Variants in MAPT observed in about 807,000 individuals in gnomAD.
The protein encoded by MAPT is microtubule-associated protein tau.
Under a neutral mutation model 67.9 loss-of-function variants are expected in MAPT, and 34 were observed. The ratio of observed to expected loss-of-function variants is 0.50; its 90% confidence interval spans 0.38 to 0.67. The LOEUF is 0.67. Ranked by LOEUF, MAPT falls within the 30% of genes least tolerant of loss-of-function variation. The probability of loss-of-function intolerance (pLI) is 0.00; values close to 1 mark genes in which losing one functional copy is unlikely to be tolerated. For synonymous variants in MAPT, 456 were observed against 464.5 expected (o/e 0.98, Z 0.23); for missense variants, 881 against 1,115.2 (o/e 0.79, Z 2.99).
chr17:45,937,253 A>T (rs2067422558), intron 1 of MAPT, among the ~76,000 whole-genome samples: 2 of 151,948 alleles, frequency 1.3e-5, no homozygotes, highest in Non-Finnish European at 2.9e-5. Context: ...CTCCATCCCC[A>T]CTTTCTCTAG....
chr17:45,944,460 G>A (rs7221267), intron 1 of MAPT, among the ~76,000 whole-genome samples: 1,961 of 152,304 alleles, frequency 0.013, 44 homozygotes, highest in African/African-American at 0.045. Context: ...GGGGCGAGTG[G>A]CCTCTCTGTG....
rs1326620149 is a variant in MAPT at position 46,025,095 on chromosome 17, C to T, written c.*924C>T. 6.6e-6 allele frequency: 1 copy of T among 152,444 alleles called. No homozygotes were observed. The highest frequency in any genetic ancestry group is 1.5e-5 in the Non-Finnish European group (1 of 68,236). 9.4% of individuals were successfully genotyped at this position (152,444 alleles called of 1,614,324 possible). A position where few individuals can be genotyped will look rare whatever the true frequency, so the allele number is the denominator to read the frequency against. On this transcript the variant is annotated 3_prime_UTR_variant, in exon 13 of 13. Coordinates refer to ENST00000262410, the MANE Select transcript of MAPT (RefSeq NM_001377265.1). Reference sequence around the variant, plus strand: ...GGGCTTCCCTCTGCTCCACAGAAACCCTGTTTTATTGAGTTCTGAAGGTTG... The same window carrying T: ...GGGCTTCCCTCTGCTCCACAGAAACTCTGTTTTATTGAGTTCTGAAGGTTG...
At chr17:45,899,157 A>T (rs573863915) in intron 1 of MAPT, among the ~76,000 whole-genome samples, 1 of 152,302 alleles carries the variant, frequency 6.6e-6, no homozygotes, top group African/African-American at 2.4e-5. Flanking sequence ...CTGTAAAACC[A>T]TGGTTCTCAA....
At chr17:45,978,057 T>G (rs919208353) in intron 3 of MAPT, 2 of 380,874 alleles carry the variant, frequency 5.3e-6, no homozygotes, top group Non-Finnish European at 9.8e-6. Context: ...AAATTGCTTC[T>G]CTGACCTCAC....
intron 3 of MAPT, 164 bp from the exon 4 acceptor site, chr17:45,978,211 A>C: frequency 1.4e-6 from 1 of 692,130 alleles, no homozygotes. Flanking sequence ...CATCCTCAGC[A>C]ATGACATTTG....
chr17:46,011,383 G>A (rs951857191), intron 10 of MAPT, among the ~76,000 whole-genome samples: 5 of 152,186 alleles, frequency 3.3e-5, no homozygotes, highest in African/African-American at 1.2e-4. Flanking sequence ...GCAACAGAGT[G>A]AGACTTTGTC....
Position 45,996,942 on chromosome 17 carries a change from C to T in MAPT, c.1998+278C>T, listed in dbSNP as rs1107780. On this transcript the variant is annotated intron_variant, in intron 9 of 12. Transcript: ENST00000262410. This position sits in a 1 kb window ranked among gnomAD's most constrained non-coding sequence, Gnocchi z 4.5. The stretch of plus-strand genomic sequence containing the variant: ...GAACGTTCTGGCTCTTCTCTTGCCC[C>T]TTCAGCCCCTGTTAATCGGACAGAG... Among the ~76,000 whole-genome samples the T allele has an allele frequency of 1.3e-5, 2 of 152,224 alleles. No homozygotes were observed. Among genetic ancestry groups the T allele is most frequent in the Non-Finnish European group, 2.9e-5 (2 of 68,046 alleles).
In MAPT at chr17:45,983,788, AGGGGCCCCTGGAGAGGGGCCAGAGGCCC is replaced by A. The variant is rs763490671; in HGVS notation, c.1219_1246del (p.Gly407LeufsTer64). ...AGCATTTGGGAAGGGCTGCATTTCC[AGGGGCCCCTGGAGAGGGGCCAGAGGCCC>A]GGGGCCCCTCTTTGGGAGAGGACAC... On this transcript the variant is annotated frameshift_variant, in exon 5 of 13. Coordinates refer to ENST00000262410, the MANE Select transcript of MAPT (RefSeq NM_001377265.1). LOFTEE classifies it high-confidence loss of function. 21 of 1,613,786 alleles carry A rather than the reference AGGGGCCCCTGGAGAGGGGCCAGAGGCCC, an allele frequency of 1.3e-5. No homozygotes were observed. The highest frequency in any genetic ancestry group is 4.4e-5 in the South Asian group (4 of 91,088).
chr17:45,913,790 C>T (rs1412508214), intron 1 of MAPT, among the ~76,000 whole-genome samples: 1 of 152,214 alleles, frequency 6.6e-6, no homozygotes, highest in Non-Finnish European at 1.5e-5. Context: ...GGGCTGCTCC[C>T]ATGCCAGGCT....
At chr17:46,001,606 T>C (rs1159952061) in intron 9 of MAPT, among the ~76,000 whole-genome samples, 1 of 152,166 alleles carries the variant, frequency 6.6e-6, no homozygotes, top group Non-Finnish European at 1.5e-5. Flanking sequence ...AAGGTTGCAG[T>C]GAGCTATGAT....
In MAPT at chr17:45,983,707, C is replaced by G. The variant is rs1180244788; in HGVS notation, c.1128C>G (p.Phe376Leu). The change falls in exon 5 of 13, where the codon TTC becomes TTG. Residue 376 changes from phenylalanine to leucine, a missense_variant. Physicochemically the swap from Phe to Leu is conservative, Grantham distance 22. This residue lies in a region of MAPT where 687 missense variants were observed against 766.1 expected (regional missense o/e 0.90). Coordinates refer to ENST00000262410, the MANE Select transcript of MAPT (RefSeq NM_001377265.1). Reference sequence around the variant, plus strand: ...AAGGGCAGGATGCCCCCCTGGAGTTCACGTTTCACGTGGAAATCACACCCA... The same window carrying G: ...AAGGGCAGGATGCCCCCCTGGAGTTGACGTTTCACGTGGAAATCACACCCA... ...RAKGQDAPLE[F>L]TFHVEITPNV... 6.2e-6 allele frequency: 10 copies of G among 1,614,016 alleles called. No homozygotes were observed. The highest frequency in any genetic ancestry group is 5.3e-5 in the African/African-American group (4 of 74,948).
chr17:45,993,564 CCA>C (rs2074239146), intron 8 of MAPT, among the ~76,000 whole-genome samples: 1 of 152,224 alleles, frequency 6.6e-6, no homozygotes, highest in Non-Finnish European at 1.5e-5. Flanking sequence ...CAGGCACAGG[CCA>C]CCACGCCCTG....
In MAPT at chr17:45,962,451, C is replaced by T; in HGVS notation, c.114C>T (p.Asp38=). Residue 38 remains aspartate, a synonymous_variant, in exon 2 of 13, where the codon GAC becomes GAT. Coordinates refer to ENST00000262410, the MANE Select transcript of MAPT (RefSeq NM_001377265.1). ...GYTMHQDQEG[D]TDAGLKESPL... ...CCATGCACCAAGACCAAGAGGGTGA[C>T]ACGGACGCTGGCCTGAAAGGTTAGT... 6.2e-7 allele frequency: 1 copy of T among 1,612,826 alleles called. No individual in the cohort carries two copies. Among genetic ancestry groups the T allele is most frequent in the Middle Eastern group, 2.0e-4 (1 of 5,122 alleles).
intron 1 of MAPT, among the ~76,000 whole-genome samples, chr17:45,961,384 GC>G (rs1223581543): frequency 1.3e-5 from 2 of 152,172 alleles, no homozygotes; most frequent in Non-Finnish European, 1.5e-5. Context: ...CCTGTGGGGT[GC>G]TTCTCAGCCC....
In MAPT at chr17:45,996,250, C is replaced by T. The variant is rs985462961; in HGVS notation, c.1733-149C>T. 2.5e-5 allele frequency: 20 copies of T among 799,980 alleles called. No individual in the cohort carries two copies. The highest frequency in any genetic ancestry group is 7.8e-5 in the East Asian group (3 of 38,446). 49.6% of individuals were successfully genotyped at this position (799,980 alleles called of 1,614,324 possible). A position where few individuals can be genotyped will look rare whatever the true frequency, so the allele number is the denominator to read the frequency against. On this transcript the variant is annotated intron_variant, in intron 8 of 12. Transcript: ENST00000262410. This position sits in a 1 kb window ranked among gnomAD's most constrained non-coding sequence, Gnocchi z 4.5. ...GGAAGAGATGCTTCCCCAGGGCAGCCGTCTGCTGTAGCTGCGCTTCCAACC... is the reference window on the plus strand; with the variant it reads ...GGAAGAGATGCTTCCCCAGGGCAGCTGTCTGCTGTAGCTGCGCTTCCAACC...
At position 45,960,583 on chromosome 17, in the gene MAPT, G is replaced by A. The variant is rs146196426; in HGVS notation, c.-17-1738G>A. Among the ~76,000 whole-genome samples the A allele has an allele frequency of 1.2e-4, 19 of 152,276 alleles. 1 individual carries two copies. Among genetic ancestry groups the A allele is most frequent in the Middle Eastern group, 6.8e-3 (2 of 294 alleles). On this transcript the variant is annotated intron_variant, in intron 1 of 12. Coordinates refer to ENST00000262410, the MANE Select transcript of MAPT (RefSeq NM_001377265.1). ...TGATTTTCTCTTCCCATCTTGCTTTGTATAAATACATTTTCTATAATAAGG... is the reference window on the plus strand; with the variant it reads ...TGATTTTCTCTTCCCATCTTGCTTTATATAAATACATTTTCTATAATAAGG...
At chr17:45,936,996 G>A (rs1195119063) in intron 1 of MAPT, among the ~76,000 whole-genome samples, 1 of 152,138 alleles carries the variant, frequency 6.6e-6, no homozygotes, top group Non-Finnish European at 1.5e-5. Flanking sequence ...GCTCAAAGTG[G>A]TAAAGGAGCT....
chr17:45,959,415 T>C (rs985247674), intron 1 of MAPT, among the ~76,000 whole-genome samples: 3 of 152,226 alleles, frequency 2.0e-5, no homozygotes, highest in Non-Finnish European at 2.9e-5. Context: ...TCATACCCAC[T>C]TGCACTGCAT....
At chr17:45,989,808 C>G (rs2073917240) in intron 6 of MAPT, 70 bp from the exon 7 acceptor site, 1 of 1,397,752 alleles carries the variant, frequency 7.2e-7, no homozygotes, top group East Asian at 2.3e-5. Context: ...AGTTACTGTC[C>G]TTTTTTCAGT....
Sources: allele counts gnomAD v4.1 joint callset (sites outside exome capture counted in the v4.1 genomes callset), GRCh38; gene constraint gnomAD v4.1.1; regional missense constraint gnomAD v4.1.1; non-coding constraint Gnocchi (gnomAD v3.1); transcripts MANE v1.5; gene names NCBI Gene and HGNC (gene_info 2026-07-23, HGNC 2026-07-21).